The following UBE3D variants were observed in gnomAD, a reference collection of about 807,000 sequenced individuals.
UBE3D encodes the protein E3 ubiquitin-protein ligase E3D.
Under a neutral mutation model 49.6 loss-of-function variants are expected in UBE3D, and 48 were observed. The ratio of observed to expected loss-of-function variants is 0.97; its 90% confidence interval spans 0.77 to 1.23. The LOEUF (loss-of-function observed/expected upper bound fraction) is 1.23, where lower values mean the gene tolerates loss of function less well. Ranked by LOEUF, UBE3D falls within the 50% of genes most tolerant of loss-of-function variation. The pLI, the probability that UBE3D is intolerant of heterozygous loss-of-function variation, is 0.00. For synonymous variants in UBE3D, 189 were observed against 174.2 expected (o/e 1.08, Z -0.67); for missense variants, 452 against 468.4 (o/e 0.96, Z 0.32).
At chr6:83,038,830 G>A (rs551152704) in intron 4 of UBE3D, among the ~76,000 whole-genome samples, 1 of 151,836 alleles carries the variant, frequency 6.6e-6, no homozygotes, top group Non-Finnish European at 1.5e-5. Flanking sequence ...CAAAGACAGG[G>A]TTGATGACTT....
At chr6:82,939,981 G>A (rs1488224251) in intron 9 of UBE3D, among the ~76,000 whole-genome samples, 3 of 152,190 alleles carry the variant, frequency 2.0e-5, no homozygotes, top group Admixed American at 2.0e-4. Context: ...CACAGAAACT[G>A]TCCAGCTTTG....
chr6:82,898,915 T>C (rs1425957814), intron 9 of UBE3D, among the ~76,000 whole-genome samples: 1 of 152,154 alleles, frequency 6.6e-6, no homozygotes, highest in Non-Finnish European at 1.5e-5. Context: ...TATGTGACAC[T>C]GATTGTTCCA....
chr6:82,941,733 G>A (rs1159566026), intron 9 of UBE3D, among the ~76,000 whole-genome samples: 1 of 152,120 alleles, frequency 6.6e-6, no homozygotes, highest in East Asian at 1.9e-4. Flanking sequence ...TAGTGAGTGA[G>A]TTCTCATGAG....
At position 82,893,029 on chromosome 6, in the gene UBE3D, T is replaced by G. The variant is rs759082824; in HGVS notation, c.1163A>C (p.Lys388Thr). 1.2e-4 allele frequency: 192 copies of G among 1,613,612 alleles called. No individual in the cohort carries two copies. The highest frequency in any genetic ancestry group is 1.5e-4 in the Non-Finnish European group (181 of 1,179,854). ...AATGCCCAGCTCTAATAGTTACATC[T>G]TCAAAAAGGCCACCTGGAGAAGGAA... ...RVNSFQVAFL[K>T]M The change falls in exon 10 of 10, where the codon AAG (lysine) becomes ACG (threonine). Residue 388 changes from lysine to threonine, a missense_variant. Transcript: ENST00000369747.
intron 9 of UBE3D, among the ~76,000 whole-genome samples, chr6:82,944,459 T>C (rs1265193071): frequency 6.6e-6 from 1 of 152,190 alleles, no homozygotes; most frequent in Non-Finnish European, 1.5e-5. Flanking sequence ...CCAGTAGTGA[T>C]ACCCAGGTAG....
At position 83,065,759 on chromosome 6, in the gene UBE3D, C is replaced by G; in HGVS notation, c.-41G>C. On this transcript the variant is annotated 5_prime_UTR_variant, in exon 1 of 10. Transcript: ENST00000369747. ...CCAGACCGGACCAAGCTGGAGGTTC[C>G]GAGGGGCCCGGGTCAACAGGACCAG... 6.3e-7 allele frequency: 1 copy of G among 1,575,650 alleles called. No homozygotes were observed. The highest frequency in any genetic ancestry group is 8.6e-7 in the Non-Finnish European group (1 of 1,158,358).
chr6:82,916,929 A>G (rs1395456281), intron 9 of UBE3D, among the ~76,000 whole-genome samples: 6 of 152,190 alleles, frequency 3.9e-5, no homozygotes, highest in Non-Finnish European at 7.3e-5. Flanking sequence ...GAAGTCAGAC[A>G]CTGGTTATTA....
intron 8 of UBE3D, among the ~76,000 whole-genome samples, chr6:82,983,319 C>T (rs554832666): frequency 6.6e-6 from 1 of 152,020 alleles, no homozygotes; most frequent in African/African-American, 2.4e-5. Context: ...TTGACATGAC[C>T]CTAATAATGT....
intron 5 of UBE3D, among the ~76,000 whole-genome samples, chr6:83,028,328 G>C (rs1296086441): frequency 6.6e-6 from 1 of 152,110 alleles, no homozygotes. Flanking sequence ...AAAATTATTT[G>C]TGAGAATGAG....
chr6:82,988,694 T>C (rs573984794), intron 8 of UBE3D, among the ~76,000 whole-genome samples: 1 of 152,290 alleles, frequency 6.6e-6, no homozygotes, highest in South Asian at 2.1e-4. Context: ...AACATACATA[T>C]GTTCTGCCAT....
intron 9 of UBE3D, among the ~76,000 whole-genome samples, chr6:82,914,797 T>G (rs16877932): frequency 1.3e-5 from 2 of 152,216 alleles, no homozygotes; most frequent in Non-Finnish European, 1.5e-5. Context: ...TACCTTTTGC[T>G]TCCCAACATC....
intron 8 of UBE3D, among the ~76,000 whole-genome samples, chr6:82,962,671 G>A (rs1004824254): frequency 2.6e-5 from 4 of 152,004 alleles, no homozygotes; most frequent in Non-Finnish European, 5.9e-5. Flanking sequence ...CCATTGAAGC[G>A]CATAAAGGAA....
intron 9 of UBE3D, among the ~76,000 whole-genome samples, chr6:82,902,946 G>A (rs1771842493): frequency 6.6e-6 from 1 of 152,170 alleles, no homozygotes; most frequent in Non-Finnish European, 1.5e-5. Flanking sequence ...GGTCAGAGAA[G>A]CTAGGTAACT....
At chr6:82,914,122 C>T (rs999518403) in intron 9 of UBE3D, among the ~76,000 whole-genome samples, 1 of 152,136 alleles carries the variant, frequency 6.6e-6, no homozygotes, top group Non-Finnish European at 1.5e-5. Context: ...TCAGTTTCCT[C>T]CAAAACTAAT....
chr6:82,977,249 A>C (rs1777797857), intron 8 of UBE3D, among the ~76,000 whole-genome samples: 1 of 151,846 alleles, frequency 6.6e-6, no homozygotes, highest in African/African-American at 2.4e-5. Flanking sequence ...GCATTTTTTC[A>C]CCATGATCTC....
At position 83,020,047 on chromosome 6, in the gene UBE3D, G is replaced by A. The variant is rs546974283; in HGVS notation, c.847-911C>T. ...CATCAACCCAGTATGGGGTCTGGGT[G>A]GCACACCAAGAATGCCCACTATAAA... On this transcript the variant is annotated intron_variant, in intron 7 of 9. Coordinates refer to ENST00000369747, the MANE Select transcript of UBE3D (RefSeq NM_198920.3). Among the ~76,000 whole-genome samples the A allele has an allele frequency of 3.3e-5, 5 of 152,328 alleles. No homozygotes were observed. In the East Asian group the frequency reaches 9.7e-4, roughly 29 times the overall value.
rs989459446 is a variant in UBE3D at position 83,029,921 on chromosome 6, C to A, written c.668-5883G>T. ...TTGGGGCAAGGCTCTACTCAAACAC[C>A]TCAAGCCAGTAAGGCTTCTTACGAA... On this transcript the variant is annotated intron_variant, in intron 5 of 9. Transcript: ENST00000369747. Among the ~76,000 whole-genome samples, 26 of 152,280 alleles carry A rather than the reference C, an allele frequency of 1.7e-4. 1 individual carries two copies. Among genetic ancestry groups the A allele is most frequent in the Admixed American group, 8.5e-4 (13 of 15,298 alleles).
intron 8 of UBE3D, among the ~76,000 whole-genome samples, chr6:83,016,151 C>T (rs1165000724): frequency 6.6e-6 from 1 of 152,188 alleles, no homozygotes; most frequent in Non-Finnish European, 1.5e-5. Context: ...AAGATTCTCA[C>T]TCAAGGCCAT....
At chr6:83,006,191 C>T (rs533860216) in intron 8 of UBE3D, among the ~76,000 whole-genome samples, 9 of 152,242 alleles carry the variant, frequency 5.9e-5, no homozygotes, top group African/African-American at 2.2e-4. Flanking sequence ...CACCACTGCA[C>T]TCCAGCCTGA....
Sources: allele counts gnomAD v4.1 joint callset (sites outside exome capture counted in the v4.1 genomes callset), GRCh38; gene constraint gnomAD v4.1.1; transcripts MANE v1.5; gene names NCBI Gene and HGNC (gene_info 2026-07-23, HGNC 2026-07-21).